Variants in MICALL2 observed in about 807,000 individuals in gnomAD.
The protein encoded by MICALL2 is MICAL-like protein 2.
A neutral mutation model predicts 91.1 loss-of-function variants in MICALL2; 111 were observed. That is an observed-to-expected ratio of 1.22 (90% CI 1.04 to 1.43). MICALL2 has a LOEUF of 1.43. Among genes scored for constraint, MICALL2 ranks in the 40% most tolerant of loss-of-function variants. MICALL2 has a pLI of 0.00. For missense variants in MICALL2, 1,556 were observed against 1,236.0 expected (o/e 1.26, Z -3.88); for synonymous variants, 694 against 525.3 (o/e 1.32, Z -4.39).
At position 1,444,635 on chromosome 7, in the gene MICALL2, G is replaced by C; in HGVS notation, c.1418+17C>G. On this transcript the variant is annotated intron_variant, in intron 6 of 16. Transcript: ENST00000297508. ...AAAGAGGCCATACCCGGGGTCCCTC[G>C]GTCCCCACGCGCTCACCTGCCAGGC... 6.2e-7 allele frequency: 1 copy of C among 1,602,192 alleles called. No individual in the cohort carries two copies. Among genetic ancestry groups the C allele is most frequent in the Non-Finnish European group, 8.5e-7 (1 of 1,177,816 alleles).
In MICALL2 at chr7:1,437,976, G is replaced by C. The variant is rs377450726; in HGVS notation, c.2316C>G (p.Asp772Glu). Residue 772 changes from aspartate (D) to glutamate (E), a missense_variant, in exon 13 of 17, where the codon GAC becomes GAG. Physicochemically the swap from Asp to Glu is conservative, Grantham distance 45. Coordinates refer to ENST00000297508, the MANE Select transcript of MICALL2 (RefSeq NM_182924.4). Reference sequence around the variant, plus strand: ...AGTCCACCATGAGGCTATCCTCAGCGTCATCTGGGGAGAGGAGCCAGCTGG... The same window carrying C: ...AGTCCACCATGAGGCTATCCTCAGCCTCATCTGGGGAGAGGAGCCAGCTGG... Reference protein sequence around the residue: ...EKRLRAAEGDDAEDSLMVDWF... With the variant: ...EKRLRAAEGDEAEDSLMVDWF... 1.3e-6 allele frequency: 2 copies of C among 1,550,432 alleles called. No individual in the cohort carries two copies. Among genetic ancestry groups the C allele is most frequent in the African/African-American group, 2.7e-5 (2 of 73,274 alleles).
intron 3 of MICALL2, chr7:1,448,032 C>T (rs1780674982): frequency 1.3e-5 from 2 of 159,508 alleles, no homozygotes; most frequent in Admixed American, 1.0e-4. Flanking sequence ...GCCCTGTGCC[C>T]GGAATGGTTC....
intron 2 of MICALL2, among the ~76,000 whole-genome samples, chr7:1,449,729 C>T (rs1166378855): frequency 6.6e-6 from 1 of 152,250 alleles, no homozygotes; most frequent in Non-Finnish European, 1.5e-5. Flanking sequence ...GCCGGTGCCT[C>T]TGCCCACGAG....
intron 14 of MICALL2, chr7:1,437,269 A>T: frequency 1.9e-6 from 1 of 519,070 alleles, no homozygotes; most frequent in South Asian, 2.7e-5. Flanking sequence ...GATTCGTTTA[A>T]TCCTCACAAC....
Position 1,438,902 on chromosome 7 carries a change from T to C in MICALL2, c.2060A>G (p.Gln687Arg). 1 of 1,610,348 alleles carries C rather than the reference T, an allele frequency of 6.2e-7. No individual in the cohort carries two copies. The highest frequency in any genetic ancestry group is 1.1e-5 in the South Asian group (1 of 91,082). ...CTTCCAGCTCTGCACTCGGGCTTCCTGGCCAGGGGGCTCCGGCCGAAGCCA... is the reference window on the plus strand; with the variant it reads ...CTTCCAGCTCTGCACTCGGGCTTCCCGGCCAGGGGGCTCCGGCCGAAGCCA... ...DNWLRPEPPG[Q>R]EARVQSWKEE... The change falls in exon 10 of 17, where the codon CAG becomes CGG. Residue 687 changes from glutamine (Q) to arginine (R), a missense_variant. Gln to Arg is a conservative substitution (Grantham distance 43, BLOSUM62 1). Transcript: ENST00000297508.
chr7:1,451,658 C>T lies in MICALL2; in HGVS notation c.144-1370G>A, dbSNP rs1780832425. 6.6e-6 allele frequency among the ~76,000 whole-genome samples: 1 copy of T among 152,096 alleles called. No individual in the cohort carries two copies. Among genetic ancestry groups the T allele is most frequent in the South Asian group, 2.1e-4 (1 of 4,830 alleles). ...GGGCTGCAAGCCGTGTCCTGCCTCA[C>T]CCCGGCCTGCATGTCTGACCCCGGC... On this transcript the variant is annotated intron_variant, in intron 1 of 16. Coordinates refer to ENST00000297508, the MANE Select transcript of MICALL2 (RefSeq NM_182924.4). The surrounding 1 kb of genome is among the most constrained non-coding windows in gnomAD (Gnocchi z 4.5).
intron 4 of MICALL2, among the ~76,000 whole-genome samples, chr7:1,447,281 G>A (rs990441284): frequency 6.6e-6 from 1 of 152,172 alleles, no homozygotes; most frequent in Non-Finnish European, 1.5e-5. Context: ...ACAGGGCATA[G>A]CCCAGCAACC....
intron 9 of MICALL2, 124 bp downstream of exon 9, chr7:1,439,801 G>T: frequency 1.3e-6 from 1 of 756,616 alleles, no homozygotes. Flanking sequence ...AGCTTCTCTG[G>T]CTGACCGGAG....
chr7:1,448,847 C>G (rs1307506287), intron 2 of MICALL2, 86 bp from the exon 3 acceptor site: 3 of 1,530,320 alleles, frequency 2.0e-6, no homozygotes, highest in Non-Finnish European at 2.7e-6. Flanking sequence ...CTCAAAGACA[C>G]AGTCTTGGAG....
chr7:1,451,003 C>T lies in MICALL2; in HGVS notation c.144-715G>A, dbSNP rs1478102217. ...TGCCCCAGGTCACACAGCGGGGAGA[C>T]AGCTGCCAAGCCCACTGAGGTTACA... On this transcript the variant is annotated intron_variant, in intron 1 of 16. Coordinates refer to ENST00000297508, the MANE Select transcript of MICALL2 (RefSeq NM_182924.4). This position sits in a 1 kb window ranked among gnomAD's most constrained non-coding sequence, Gnocchi z 4.5. Among the ~76,000 whole-genome samples the T allele has an allele frequency of 6.6e-6, 1 of 152,222 alleles. No individual in the cohort carries two copies. Among genetic ancestry groups the T allele is most frequent in the Admixed American group, 6.5e-5 (1 of 15,282 alleles).
chr7:1,436,882 GCCC>G, intron 14 of MICALL2, 26 bp from the exon 15 acceptor site: 1 of 1,494,980 alleles, frequency 6.7e-7, no homozygotes, highest in African/African-American at 1.4e-5. Flanking sequence ...GTCAGCAGGA[GCCC>G]CCCCCACCAC....
intron 1 of MICALL2, among the ~76,000 whole-genome samples, chr7:1,458,027 G>A (rs1229698643): frequency 1.3e-5 from 2 of 152,266 alleles, no homozygotes; most frequent in Non-Finnish European, 2.9e-5. Flanking sequence ...CGTTCCTGGC[G>A]AGGGAGAGCG....
chr7:1,449,085 G>T (rs1484187618), intron 2 of MICALL2, among the ~76,000 whole-genome samples: 3 of 152,346 alleles, frequency 2.0e-5, no homozygotes, highest in Non-Finnish European at 4.4e-5. Flanking sequence ...TCTTGAAACA[G>T]CTCCCTCCAG....
Position 1,438,249 on chromosome 7 carries a change from G to A in MICALL2, c.2188-29C>T, listed in dbSNP as rs751117906. 6.7e-5 allele frequency: 106 copies of A among 1,588,186 alleles called. 1 individual carries two copies. Among genetic ancestry groups the A allele is most frequent in the Middle Eastern group, 3.3e-4 (2 of 5,992 alleles). Reference sequence around the variant, plus strand: ...GGAACGGAGGGGCGGTGAGGATGCCGGAGGGCTGGGCCCCTGCCCGGCTCC... The same window carrying A: ...GGAACGGAGGGGCGGTGAGGATGCCAGAGGGCTGGGCCCCTGCCCGGCTCC... On this transcript the variant is annotated intron_variant, in intron 11 of 16. Transcript: ENST00000297508.
Position 1,444,942 on chromosome 7 carries a change from G to T in MICALL2, c.1128C>A (p.Pro376=). ...PSAPDPRPAT[P]QGGGAPRVAA... ...CCACTCGGGGGGCTCCCCCACCCTG[G>T]GGTGTGGCCGGGCGAGGGTCTGGGG... Residue 376 remains proline (P), a synonymous_variant, in exon 6 of 17, where the codon CCC becomes CCA. Transcript: ENST00000297508. 1 of 1,514,708 alleles carries T rather than the reference G, an allele frequency of 6.6e-7. No individual in the cohort carries two copies. The highest frequency in any genetic ancestry group is 8.8e-7 in the Non-Finnish European group (1 of 1,133,140). 93.8% of individuals were successfully genotyped at this position (1,514,708 alleles called of 1,614,324 possible).
chr7:1,439,320 G>A (rs191468927), intron 9 of MICALL2: 9 of 335,616 alleles, frequency 2.7e-5, no homozygotes, highest in South Asian at 2.4e-4. Flanking sequence ...CATCACACAC[G>A]AACACGGGTG....
At chr7:1,449,667 G>A (rs964955615) in intron 2 of MICALL2, among the ~76,000 whole-genome samples, 5 of 152,266 alleles carry the variant, frequency 3.3e-5, no homozygotes, top group African/African-American at 7.2e-5. Flanking sequence ...GGACGTGGCC[G>A]GGGCCTGCCT....
rs549327140 is a variant in MICALL2, at chr7:1,438,198, G to A, written c.2210C>T (p.Pro737Leu). The part of the protein sequence containing the change: ...PVRLHPDYLS[P>L]EEIQRQLQDI... Reference sequence around the variant, plus strand: ...CTGCAGCTGCCTCTGTATCTCCTCCGGGGAGAGGTAGTCGGGGTGCAGCTG... The same window carrying A: ...CTGCAGCTGCCTCTGTATCTCCTCCAGGGAGAGGTAGTCGGGGTGCAGCTG... The change falls in exon 12 of 17, where the codon CCG becomes CTG. Residue 737 changes from proline to leucine, a missense_variant. By Grantham distance (98) the Pro-to-Leu change is moderately conservative (BLOSUM62 -3). Coordinates refer to ENST00000297508, the MANE Select transcript of MICALL2 (RefSeq NM_182924.4). 72 of 1,582,446 alleles carry A rather than the reference G, an allele frequency of 4.5e-5. No homozygotes were observed. Among genetic ancestry groups the A allele is most frequent in the Middle Eastern group, 1.7e-4 (1 of 5,992 alleles).
In MICALL2 at chr7:1,444,790, G is replaced by A. The variant is rs1180042786; in HGVS notation, c.1280C>T (p.Pro427Leu). The A allele has an allele frequency of 2.5e-6, 4 of 1,611,746 alleles. No individual in the cohort carries two copies. The highest frequency in any genetic ancestry group is 3.4e-6 in the Non-Finnish European group (4 of 1,179,484). The change falls in exon 6 of 17, where the codon CCC (proline) becomes CTC (leucine). Residue 427 changes from proline to leucine, a missense_variant. Transcript: ENST00000297508. ...TCTGCCAGAAAGGCTGGTGCCGGGG[G>A]GCACTGCTGATGTTTGGAAAAACTT... ...RNKFFQTSAV[P>L]PGTSLSGRGP...
Sources: gnomAD v4.1 joint callset for allele counts (sites outside exome capture counted in the v4.1 genomes callset) on GRCh38, gnomAD v4.1.1 for gene constraint, Gnocchi (gnomAD v3.1) non-coding constraint, MANE v1.5 for transcripts, NCBI Gene and HGNC (gene_info 2026-07-23, HGNC 2026-07-21) for gene names.